Variants in PXYLP1 observed in about 807,000 individuals in gnomAD.
PXYLP1 encodes the protein 2-phosphoxylose phosphatase 1.
In PXYLP1, 17 loss-of-function variants were observed where a neutral mutation model predicts 37.9. The observed-to-expected ratio is 0.45, with a 90% CI of 0.31 to 0.67. The LOEUF is 0.67. PXYLP1 is among the 30% of genes least tolerant of loss of function. The pLI, the probability that PXYLP1 is intolerant of heterozygous loss-of-function variation, is 0.07. For synonymous variants in PXYLP1, 221 were observed against 232.2 expected, an observed-to-expected ratio of 0.95 and a Z score of 0.44; for missense variants, 511 against 612.0, an observed-to-expected ratio of 0.84 and a Z score of 1.74.
At chr3:141,271,739 T>C (rs1333062026) in intron 2 of PXYLP1, among the ~76,000 whole-genome samples, 4 of 152,186 alleles carry the variant, frequency 2.6e-5, no homozygotes. Context: ...ACTGCAGAAG[T>C]GTCTTCCACA....
chr3:141,260,955 T>G (rs762916963), intron 2 of PXYLP1, among the ~76,000 whole-genome samples: 15 of 152,232 alleles, frequency 9.9e-5, no homozygotes, highest in Non-Finnish European at 2.1e-4. Flanking sequence ...CTGCTGCTTC[T>G]GTGCTCAGAT....
At chr3:141,290,200 G>A (rs532389754) in intron 5 of PXYLP1, among the ~76,000 whole-genome samples, 3 of 152,318 alleles carry the variant, frequency 2.0e-5, no homozygotes, top group African/African-American at 4.8e-5. Context: ...AGGGTAGCAG[G>A]ATGAATAGGA....
At chr3:141,259,976 G>C in intron 1 of PXYLP1, 147 bp from the exon 2 acceptor site, 1 of 611,944 alleles carries the variant, frequency 1.6e-6, no homozygotes, top group Non-Finnish European at 2.9e-6. Flanking sequence ...AGAGCATGCT[G>C]TTGTTCTCCA....
At position 141,278,354 on chromosome 3, in the gene PXYLP1, C is replaced by T. The variant is rs369623029; in HGVS notation, c.92C>T (p.Pro31Leu). The T allele has an allele frequency of 3.7e-5, 59 of 1,614,054 alleles. No individual in the cohort carries two copies. Among genetic ancestry groups the T allele is most frequent in the South Asian group, 2.6e-4 (24 of 91,084 alleles). ...TACTTCGTTTCAGTCCACCTGATCC[C>T]GGTGTCGACTCCTAAGAATGGAATG... ...SLSLQFFHLI[P>L]VSTPKNGMSS... The change falls in exon 3 of 6, where the codon CCG becomes CTG. Residue 31 changes from proline to leucine, a missense_variant. Pro to Leu is a moderately conservative substitution (Grantham distance 98). Transcript: ENST00000286353.
chr3:141,280,415 C>T (rs1264756530), intron 4 of PXYLP1, among the ~76,000 whole-genome samples: 1 of 152,188 alleles, frequency 6.6e-6, no homozygotes, highest in Non-Finnish European at 1.5e-5. Flanking sequence ...TTTGGCGCTC[C>T]CATTTGAGAG....
intron 1 of PXYLP1, among the ~76,000 whole-genome samples, chr3:141,245,045 CTTTTTTTTTTT>C (rs10546747): frequency 3.8e-5 from 4 of 106,164 alleles, no homozygotes; most frequent in Non-Finnish European, 5.5e-5. Context: ...CACTAACTCC[CTTTTTTTTTTT>C]TTTTTTTTTT....
At chr3:141,245,630 G>A (rs922652867) in intron 1 of PXYLP1, among the ~76,000 whole-genome samples, 2 of 152,124 alleles carry the variant, frequency 1.3e-5, no homozygotes, top group Admixed American at 6.5e-5. Flanking sequence ...AAGATCCTGG[G>A]AATGACAAGT....
chr3:141,235,730 T>C (rs1000564175), intron 1 of PXYLP1, among the ~76,000 whole-genome samples: 4 of 152,232 alleles, frequency 2.6e-5, no homozygotes, highest in East Asian at 1.9e-4. Context: ...TTGGAGCCTC[T>C]CAACCTGGAG....
intron 1 of PXYLP1, among the ~76,000 whole-genome samples, chr3:141,255,517 A>G (rs957768060): frequency 1.3e-5 from 2 of 152,146 alleles, no homozygotes; most frequent in African/African-American, 4.8e-5. Flanking sequence ...ATAGCACCTC[A>G]CCCTGCCGGT....
At chr3:141,268,030 A>G (rs1237330508) in intron 2 of PXYLP1, among the ~76,000 whole-genome samples, 1 of 152,222 alleles carries the variant, frequency 6.6e-6, no homozygotes. Flanking sequence ...AATAGGAAAC[A>G]AAGGAGAAGG....
chr3:141,246,585 A>G (rs1392209221), intron 1 of PXYLP1, among the ~76,000 whole-genome samples: 2 of 152,174 alleles, frequency 1.3e-5, no homozygotes, highest in African/African-American at 4.8e-5. Context: ...GGGGATTGCT[A>G]CTGGCTGTAG....
Position 141,292,587 on chromosome 3 carries a change from C to T in PXYLP1, c.825C>T (p.Tyr275=), listed in dbSNP as rs116687012. Residue 275 remains tyrosine (Y), a synonymous_variant, in exon 6 of 6, where the codon TAC becomes TAT. Transcript: ENST00000286353. This position sits in a 1 kb window ranked among gnomAD's most constrained non-coding sequence, Gnocchi z 4.3. ...AAAACAGCCAGCTGGAGAAGACCTA[C>T]GGGGAGATGGCCAAGATCGTGGATG... The part of the protein sequence containing the change: ...RLKNSQLEKT[Y]GEMAKIVDVP... The T allele has an allele frequency of 1.3e-3, 2,043 of 1,614,036 alleles. 13 individuals carry two copies. Among genetic ancestry groups the T allele is most frequent in the African/African-American group, 0.011 (851 of 75,026 alleles).
intron 1 of PXYLP1, among the ~76,000 whole-genome samples, chr3:141,242,644 C>G (rs561544427): frequency 2.6e-5 from 4 of 152,306 alleles, no homozygotes; most frequent in African/African-American, 9.6e-5. Flanking sequence ...ATGAACTGCA[C>G]TTTGCTTCAA....
chr3:141,258,238 G>A (rs940895590), intron 1 of PXYLP1, among the ~76,000 whole-genome samples: 1 of 152,204 alleles, frequency 6.6e-6, no homozygotes, highest in Non-Finnish European at 1.5e-5. Context: ...CAGGCCCAGA[G>A]TGAGAGGCCT....
intron 1 of PXYLP1, among the ~76,000 whole-genome samples, chr3:141,248,800 CGT>C (rs1941068555): frequency 9.4e-6 from 1 of 106,444 alleles, no homozygotes; most frequent in South Asian, 3.5e-4. Context: ...TATACACACA[CGT>C]GTATATATAC....
rs761163599 is a variant in PXYLP1, at chr3:141,279,510, T to C, written c.365+6T>C. On this transcript the variant is annotated splice_donor_region_variant and intron_variant, in intron 4 of 5. Transcript: ENST00000286353. Reference sequence around the variant, plus strand: ...TGCACTCTGGTGGCTAACAGGTAAATTGCACTTTTTCTAAAAGTCATTTTC... The same window carrying C: ...TGCACTCTGGTGGCTAACAGGTAAACTGCACTTTTTCTAAAAGTCATTTTC... 6.2e-7 allele frequency: 1 copy of C among 1,614,066 alleles called. No individual in the cohort carries two copies.
intron 2 of PXYLP1, among the ~76,000 whole-genome samples, chr3:141,270,003 G>A (rs749917946): frequency 3.9e-5 from 6 of 152,276 alleles, no homozygotes; most frequent in Non-Finnish European, 7.3e-5. Flanking sequence ...AGAGGCAAAT[G>A]TCAGAGGAAA....
intron 2 of PXYLP1, among the ~76,000 whole-genome samples, chr3:141,264,974 A>G (rs1286027827): frequency 2.0e-5 from 3 of 152,276 alleles, no homozygotes; most frequent in African/African-American, 7.2e-5. Flanking sequence ...ACTAGAGTAC[A>G]GGAACCCAAT....
At chr3:141,240,666 C>A (rs1217537622) in intron 1 of PXYLP1, among the ~76,000 whole-genome samples, 2 of 152,054 alleles carry the variant, frequency 1.3e-5, no homozygotes, top group South Asian at 2.1e-4. Flanking sequence ...CTCCTCCCCC[C>A]AAAAATCAGG....
Sources: gnomAD v4.1 joint callset for allele counts (sites outside exome capture counted in the v4.1 genomes callset) on GRCh38, gnomAD v4.1.1 for gene constraint, Gnocchi (gnomAD v3.1) non-coding constraint, MANE v1.5 for transcripts, NCBI Gene and HGNC (gene_info 2026-07-23, HGNC 2026-07-21) for gene names.